Variants in SAMMSON observed in about 807,000 individuals in gnomAD.
The protein encoded by SAMMSON is survival associated mitochondrial melanoma specific oncogenic non-coding RNA.
intron 4 of SAMMSON, among the ~76,000 whole-genome samples, chr3:70,119,038 G>A (rs2067422498): frequency 6.6e-6 from 1 of 151,972 alleles, no homozygotes; most frequent in Admixed American, 6.6e-5. Flanking sequence ...ATGTCATTGG[G>A]GTTTTGTAAG....
At chr3:70,317,284 C>A (rs897106539) in intron 7 of SAMMSON, among the ~76,000 whole-genome samples, 2 of 152,052 alleles carry the variant, frequency 1.3e-5, no homozygotes, top group East Asian at 1.9e-4. Flanking sequence ...TTGTTTCCTA[C>A]AAATTGAAGG....
chr3:70,045,060 TA>T (rs536126269), intron 3 of SAMMSON, among the ~76,000 whole-genome samples: 16 of 102,514 alleles, frequency 1.6e-4, no homozygotes, highest in African/African-American at 6.1e-4. Context: ...TAATTAATTA[TA>T]ATATATATTA....
rs138102854 is a variant in SAMMSON at position 70,149,370 on chromosome 3, G to A, written n.507+77805G>A. Among the ~76,000 whole-genome samples, 474 of 152,182 alleles carry A rather than the reference G, an allele frequency of 3.1e-3. 1 individual carries two copies. Among genetic ancestry groups the A allele is most frequent in the Non-Finnish European group, 5.1e-3 (349 of 67,992 alleles). On this transcript the variant is annotated intron_variant and non_coding_transcript_variant, in intron 4 of 9. Transcript: ENST00000642114. ...AGACGCAAACCTGCTTCTACAGTTA[G>A]TAGTGGCTTAGAACAGTCCCTAATC...
intron 3 of SAMMSON, among the ~76,000 whole-genome samples, chr3:70,018,531 G>T (rs1211994974): frequency 1.3e-5 from 2 of 152,056 alleles, no homozygotes; most frequent in Non-Finnish European, 2.9e-5. Flanking sequence ...CAAAAAACCA[G>T]CTCCTGGATT....
At chr3:70,414,700 A>G (rs531690978) in intron 2 of SAMMSON, among the ~76,000 whole-genome samples, 2 of 152,278 alleles carry the variant, frequency 1.3e-5, no homozygotes, top group Admixed American at 1.3e-4. Context: ...ATCTTTCTGG[A>G]TCTGTTTTCT....
intron 4 of SAMMSON, among the ~76,000 whole-genome samples, chr3:70,188,701 C>T (rs141237317): frequency 1.6e-4 from 25 of 152,256 alleles, no homozygotes; most frequent in African/African-American, 2.9e-4. Flanking sequence ...ACTAAGCCTA[C>T]GCTAAAGACT....
intron 9 of SAMMSON, among the ~76,000 whole-genome samples, chr3:70,363,244 A>G (rs1220661927): frequency 1.3e-5 from 2 of 152,014 alleles, no homozygotes; most frequent in Non-Finnish European, 2.9e-5. Flanking sequence ...GCAAAAATTG[A>G]AAGCCTTTCC....
intron 4 of SAMMSON, among the ~76,000 whole-genome samples, chr3:70,120,872 G>T (rs2106666767): frequency 6.6e-6 from 1 of 152,192 alleles, no homozygotes; most frequent in East Asian, 1.9e-4. Context: ...AGGTGTGGGG[G>T]GATGGTTTCG....
chr3:70,196,917 T>C (rs1701187219), intron 4 of SAMMSON: 1 of 398,416 alleles, frequency 2.5e-6, no homozygotes, highest in African/African-American at 2.1e-5. Context: ...ATGTGGTTAC[T>C]TCACTGTGCT....
intron 1 of SAMMSON, among the ~76,000 whole-genome samples, chr3:70,007,116 A>G (rs1350030809): frequency 2.0e-5 from 3 of 152,062 alleles, no homozygotes; most frequent in African/African-American, 7.2e-5. Context: ...ATATGTGTGC[A>G]TGTGTCTTTA....
chr3:70,091,298 C>G (rs2067303968), intron 4 of SAMMSON, among the ~76,000 whole-genome samples: 1 of 152,116 alleles, frequency 6.6e-6, no homozygotes, highest in Non-Finnish European at 1.5e-5. Context: ...TCGCAGCCGC[C>G]TTTCACACTA....
At chr3:70,188,504 G>A (rs1701108136) in intron 4 of SAMMSON, among the ~76,000 whole-genome samples, 1 of 152,198 alleles carries the variant, frequency 6.6e-6, no homozygotes, top group Non-Finnish European at 1.5e-5. Context: ...AATTAGAAGT[G>A]CTCATTTCCT....
intron 3 of SAMMSON, among the ~76,000 whole-genome samples, chr3:70,024,076 G>A (rs528644860): frequency 1.2e-4 from 18 of 152,200 alleles, no homozygotes; most frequent in Non-Finnish European, 2.1e-4. Flanking sequence ...TCACTAGCAG[G>A]TCTACGCAAT....
intron 4 of SAMMSON, among the ~76,000 whole-genome samples, chr3:70,185,932 G>A (rs1472084905): frequency 1.3e-5 from 2 of 152,022 alleles, no homozygotes; most frequent in Admixed American, 1.3e-4. Flanking sequence ...AACCATGACT[G>A]TGCCTCTGCA....
intron 4 of SAMMSON, among the ~76,000 whole-genome samples, chr3:70,153,830 C>T (rs1310540603): frequency 6.6e-6 from 1 of 151,982 alleles, no homozygotes; most frequent in East Asian, 1.9e-4. Flanking sequence ...AACTGAAACG[C>T]TGTACCCACT....
At chr3:70,414,179 A>G (rs1024889) in intron 2 of SAMMSON, among the ~76,000 whole-genome samples, 38,180 of 151,976 alleles carry the variant, frequency 0.25, 5,344 homozygotes, top group Non-Finnish European at 0.33. Flanking sequence ...AATTTTGACA[A>G]GTATAAAACT....
intron 7 of SAMMSON, among the ~76,000 whole-genome samples, chr3:70,324,067 A>C (rs1024085005): frequency 4.6e-5 from 7 of 152,094 alleles, no homozygotes; most frequent in African/African-American, 1.7e-4. Flanking sequence ...AGAATCAGAA[A>C]GAAAGATGAC....
At chr3:70,344,292 T>C (rs1234438253) in intron 7 of SAMMSON, among the ~76,000 whole-genome samples, 1 of 152,102 alleles carries the variant, frequency 6.6e-6, no homozygotes, top group East Asian at 1.9e-4. Flanking sequence ...AATGGCAGAA[T>C]TGCGGGCCAG....
chr3:70,136,912 CA>C (rs2067508234), intron 4 of SAMMSON, among the ~76,000 whole-genome samples: 1 of 152,038 alleles, frequency 6.6e-6, no homozygotes, highest in Non-Finnish European at 1.5e-5. Flanking sequence ...AGGAAATAAA[CA>C]ATAATATCAA....
Sources: gnomAD v4.1 joint callset for allele counts (sites outside exome capture counted in the v4.1 genomes callset) on GRCh38, gnomAD v4.1.1 for gene constraint, MANE v1.5 for transcripts, NCBI Gene and HGNC (gene_info 2026-07-23, HGNC 2026-07-21) for gene names.